Variants in CTNNA2 observed in about 807,000 individuals in gnomAD.
The protein encoded by CTNNA2 is catenin alpha-2.
Under a neutral mutation model 101.0 loss-of-function variants are expected in CTNNA2, and 42 were observed. The observed-to-expected ratio is 0.42, with a 90% CI of 0.32 to 0.54. CTNNA2 has a LOEUF of 0.54. Ranked by LOEUF, CTNNA2 falls within the 20% of genes least tolerant of loss-of-function variation. The probability of loss-of-function intolerance (pLI) is 0.14; values close to 1 mark genes in which losing one functional copy is unlikely to be tolerated. For missense variants in CTNNA2, 871 were observed against 1,223.1 expected, an observed-to-expected ratio of 0.71 and a Z score of 4.29; for synonymous variants, 450 against 456.4, an observed-to-expected ratio of 0.99 and a Z score of 0.18.
Position 80,555,516 on chromosome 2 carries a change from C to A in CTNNA2, c.1541-177C>A, listed in dbSNP as rs1016189498. Among the ~76,000 whole-genome samples, 3 of 152,212 alleles carry A rather than the reference C, an allele frequency of 2.0e-5. No homozygotes were observed. In the East Asian group the frequency reaches 5.8e-4, roughly 29 times the overall value. On this transcript the variant is annotated intron_variant, in intron 11 of 18. Coordinates refer to ENST00000402739, the MANE Select transcript of CTNNA2 (RefSeq NM_001282597.3). ...TGCTACCAGCCCTCTGGCTGATGCT[C>A]AGGTTTGAGAACCACTGTTGTAATT...
chr2:80,173,277 T>C (rs974975706), intron 7 of CTNNA2, among the ~76,000 whole-genome samples: 3 of 152,126 alleles, frequency 2.0e-5, no homozygotes, highest in African/African-American at 4.8e-5. Context: ...TAAACACTTA[T>C]TGGATGAGTG....
chr2:79,939,975 T>G (rs1688043124), intron 7 of CTNNA2, among the ~76,000 whole-genome samples: 1 of 152,034 alleles, frequency 6.6e-6, no homozygotes, highest in South Asian at 2.1e-4. Context: ...GCCTGCAGTC[T>G]CAGCTACTTG....
At chr2:79,943,686 G>A (rs1044846588) in intron 7 of CTNNA2, among the ~76,000 whole-genome samples, 1 of 152,148 alleles carries the variant, frequency 6.6e-6, no homozygotes, top group Non-Finnish European at 1.5e-5. Flanking sequence ...AATATAGAGA[G>A]GTGTAGTATT....
intron 4 of CTNNA2, among the ~76,000 whole-genome samples, chr2:79,492,479 TG>T (rs1238035608): frequency 6.6e-6 from 1 of 152,040 alleles, no homozygotes; most frequent in Admixed American, 6.6e-5. Context: ...GTAATTAAAC[TG>T]TTTAAATAGG....
intron 2 of CTNNA2, among the ~76,000 whole-genome samples, chr2:79,232,289 C>CT (rs201207067): frequency 1.4e-4 from 21 of 151,534 alleles, no homozygotes; most frequent in South Asian, 2.1e-4. Flanking sequence ...TTATCTAAGA[C>CT]TTTTTTTTTC....
At chr2:80,219,038 G>C (rs17018812) in intron 7 of CTNNA2, among the ~76,000 whole-genome samples, 1 of 151,968 alleles carries the variant, frequency 6.6e-6, no homozygotes, top group Non-Finnish European at 1.5e-5. Context: ...CTTGGATATC[G>C]TGGCAATTAT....
At chr2:80,369,616 A>T (rs1030006894) in intron 7 of CTNNA2, among the ~76,000 whole-genome samples, 1 of 152,174 alleles carries the variant, frequency 6.6e-6, no homozygotes, top group Non-Finnish European at 1.5e-5. Context: ...ATGTTACCTT[A>T]TATGGAAAAG....
In CTNNA2 at chr2:79,216,397, G is replaced by A. The variant is rs372379169; in HGVS notation, c.-406+18321G>A. On this transcript the variant is annotated intron_variant, in intron 2 of 21. Transcript: ENST00000466387. ...CCTCCAGAAAAGCAGGAAAGTGGTC[G>A]GGGTGCGGAAATAAAGGGTTGGGGT... Among the ~76,000 whole-genome samples the A allele has an allele frequency of 1.4e-4, 21 of 151,944 alleles. No individual in the cohort carries two copies. In the South Asian group the frequency reaches 1.7e-3, roughly 12 times the overall value.
chr2:80,604,129 G>C lies in CTNNA2; in HGVS notation c.2245G>C (p.Ala749Pro). 1 of 1,613,182 alleles carries C rather than the reference G, an allele frequency of 6.2e-7. No homozygotes were observed. Among genetic ancestry groups the C allele is most frequent in the Non-Finnish European group, 8.5e-7 (1 of 1,179,472 alleles). The change falls in exon 16 of 19, where the codon GCC (alanine) becomes CCC (proline). Residue 749 changes from alanine (A) to proline (P), a missense_variant. Transcript: ENST00000402739. The stretch of plus-strand genomic sequence containing the variant: ...TGTCATTAATGCTGCCAAGAAAATT[G>C]CCGAAGCAGGTTCTCGAATGGACAA... Reference protein sequence around the residue: ...SDVINAAKKIAEAGSRMDKLA... With the variant: ...SDVINAAKKIPEAGSRMDKLA...
chr2:80,175,167 C>T (rs774394365), intron 7 of CTNNA2, among the ~76,000 whole-genome samples: 3 of 152,122 alleles, frequency 2.0e-5, no homozygotes, highest in Admixed American at 6.6e-5. Context: ...AGGACCTTTG[C>T]GTATGCTCTT....
chr2:80,342,220 A>C (rs1216392587), intron 7 of CTNNA2, among the ~76,000 whole-genome samples: 2 of 152,214 alleles, frequency 1.3e-5, no homozygotes, highest in Admixed American at 6.5e-5. Context: ...TGAACTCATT[A>C]AATTGTATGC....
chr2:80,452,723 G>A lies in CTNNA2; in HGVS notation c.1290+33122G>A, dbSNP rs1403508731. On this transcript the variant is annotated intron_variant, in intron 9 of 18. Transcript: ENST00000402739. ...TTAGATAAAAAGAAATCTAGGAAAGGGTGAAATATTCAAACTATCAGCTTT... is the reference window on the plus strand; with the variant it reads ...TTAGATAAAAAGAAATCTAGGAAAGAGTGAAATATTCAAACTATCAGCTTT... Among the ~76,000 whole-genome samples, 12 of 151,474 alleles carry A rather than the reference G, an allele frequency of 7.9e-5. 1 individual carries two copies. Among genetic ancestry groups the A allele is most frequent in the African/African-American group, 2.9e-4 (12 of 40,816 alleles).
At chr2:79,356,795 G>A (rs1225668393) in intron 3 of CTNNA2, among the ~76,000 whole-genome samples, 2 of 152,020 alleles carry the variant, frequency 1.3e-5, no homozygotes, top group African/African-American at 2.4e-5. Flanking sequence ...CACAGGATCA[G>A]CAGATAATAA....
At chr2:80,103,038 A>AC (rs1245097224) in intron 7 of CTNNA2, among the ~76,000 whole-genome samples, 3 of 152,100 alleles carry the variant, frequency 2.0e-5, no homozygotes, top group Non-Finnish European at 4.4e-5. Context: ...GCTCCTGCTC[A>AC]TATGTGGGGG....
intron 3 of CTNNA2, among the ~76,000 whole-genome samples, chr2:79,788,790 C>T (rs746285702): frequency 1.3e-5 from 2 of 152,174 alleles, no homozygotes; most frequent in Non-Finnish European, 2.9e-5. Context: ...ATATTGCTTC[C>T]ATTTCAGTCT....
chr2:79,271,865 G>A (rs1675091366), intron 2 of CTNNA2, among the ~76,000 whole-genome samples: 1 of 151,980 alleles, frequency 6.6e-6, no homozygotes, highest in African/African-American at 2.4e-5. Flanking sequence ...GTGAATAGCA[G>A]GTATATTTTT....
At chr2:80,608,402 A>AACACC in intron 17 of CTNNA2, 84 bp downstream of exon 17, 1 of 1,447,096 alleles carries the variant, frequency 6.9e-7, no homozygotes, top group Non-Finnish European at 9.5e-7. Flanking sequence ...TACTGCTAAA[A>AACACC]ACACCAAACT....
intron 5 of CTNNA2, among the ~76,000 whole-genome samples, chr2:79,507,236 G>C (rs1179875392): frequency 6.6e-6 from 1 of 152,192 alleles, no homozygotes; most frequent in Non-Finnish European, 1.5e-5. Flanking sequence ...TCACTGATAA[G>C]AATAAAAGTG....
chr2:79,414,993 G>T (rs1422000899), intron 4 of CTNNA2, among the ~76,000 whole-genome samples: 1 of 152,148 alleles, frequency 6.6e-6, no homozygotes, highest in Non-Finnish European at 1.5e-5. Context: ...GGGGCAGTTT[G>T]TTACATAGCA....
Sources: allele counts gnomAD v4.1 joint callset (sites outside exome capture counted in the v4.1 genomes callset), GRCh38; gene constraint gnomAD v4.1.1; transcripts MANE v1.5; gene names NCBI Gene and HGNC (gene_info 2026-07-23, HGNC 2026-07-21).